Variants in PHACTR3 observed in about 807,000 individuals in gnomAD.
PHACTR3 encodes phosphatase and actin regulator 3.
In PHACTR3, 16 loss-of-function variants were observed where a neutral mutation model predicts 66.8. The ratio of observed to expected loss-of-function variants is 0.24; its 90% CI spans 0.16 to 0.36. The LOEUF (loss-of-function observed/expected upper bound fraction) is 0.36, where lower values mean the gene tolerates loss of function less well. PHACTR3 is among the 10% of genes least tolerant of loss of function. The pLI, the probability that PHACTR3 is intolerant of heterozygous loss-of-function variation, is 1.00. For missense variants in PHACTR3, 647 were observed against 719.9 expected (o/e 0.90, Z 1.16); for synonymous variants, 323 against 292.1 (o/e 1.11, Z -1.08).
chr20:59,840,242 A>G, intron 9 of PHACTR3, 127 bp from the exon 10 acceptor site: 1 of 1,400,416 alleles, frequency 7.1e-7, no homozygotes, highest in Non-Finnish European at 9.5e-7. Context: ...AAACACCATG[A>G]GTGATGTGGA....
chr20:59,844,523 T>A (rs1185463703), intron 11 of PHACTR3: 1 of 152,018 alleles, frequency 6.6e-6, no homozygotes, highest in East Asian at 1.9e-4. Context: ...CTTAAGAAAA[T>A]CCAGTCATTT....
intron 8 of PHACTR3, among the ~76,000 whole-genome samples, chr20:59,822,481 A>G (rs113328536): frequency 0.015 from 2,313 of 151,052 alleles, 49 homozygotes; most frequent in Non-Finnish European, 0.019. Flanking sequence ...ATATGTGGCT[A>G]TGGCTAGACA....
intron 1 of PHACTR3, among the ~76,000 whole-genome samples, chr20:59,581,260 G>A (rs1297445180): frequency 6.6e-6 from 1 of 152,196 alleles, no homozygotes; most frequent in Non-Finnish European, 1.5e-5. Flanking sequence ...GTGCTTGGAG[G>A]CAAAAGGCAG....
chr20:59,823,780 C>G (rs2042113265), intron 8 of PHACTR3, among the ~76,000 whole-genome samples: 1 of 152,216 alleles, frequency 6.6e-6, no homozygotes, highest in South Asian at 2.1e-4. Flanking sequence ...AGCAACTTGC[C>G]TCTACTGACT....
intron 7 of PHACTR3, among the ~76,000 whole-genome samples, chr20:59,801,279 A>G (rs1600680346): frequency 6.6e-6 from 1 of 152,134 alleles, no homozygotes; most frequent in Non-Finnish European, 1.5e-5. Flanking sequence ...CTGGCCAGTC[A>G]TGGGCCTACT....
chr20:59,588,986 A>G (rs2033115789), intron 1 of PHACTR3, among the ~76,000 whole-genome samples: 1 of 152,216 alleles, frequency 6.6e-6, no homozygotes, highest in African/African-American at 2.4e-5. Context: ...CTTCACTTCC[A>G]GCTGCTGATG....
At chr20:59,771,403 C>A (rs2040355796) in intron 5 of PHACTR3, among the ~76,000 whole-genome samples, 1 of 152,132 alleles carries the variant, frequency 6.6e-6, no homozygotes, top group Non-Finnish European at 1.5e-5. Flanking sequence ...GGATGGGTCT[C>A]CCTGCAGCCC....
chr20:59,814,001 G>A (rs372866241), intron 8 of PHACTR3, among the ~76,000 whole-genome samples: 128 of 152,360 alleles, frequency 8.4e-4, no homozygotes, highest in African/African-American at 3.0e-3. Flanking sequence ...TCTTCAGGGT[G>A]TGCCCACTGG....
chr20:59,642,575 A>G (rs1417842392), intron 1 of PHACTR3, among the ~76,000 whole-genome samples: 1 of 152,130 alleles, frequency 6.6e-6, no homozygotes, highest in Admixed American at 6.5e-5. Context: ...GACACTTGGG[A>G]CCAAATGCTC....
chr20:59,584,833 G>A (rs2146303647), intron 1 of PHACTR3, among the ~76,000 whole-genome samples: 1 of 152,240 alleles, frequency 6.6e-6, no homozygotes, highest in East Asian at 1.9e-4. Flanking sequence ...ATTCCGGGGG[G>A]ATCTTTTCCC....
At chr20:59,786,037 G>A (rs931043110) in intron 7 of PHACTR3, among the ~76,000 whole-genome samples, 2 of 152,224 alleles carry the variant, frequency 1.3e-5, no homozygotes, top group Admixed American at 6.5e-5. Context: ...GGATTCAGAG[G>A]TCAGAATATC....
At chr20:59,633,457 C>T (rs995837507) in intron 1 of PHACTR3, among the ~76,000 whole-genome samples, 1 of 152,074 alleles carries the variant, frequency 6.6e-6, no homozygotes, top group African/African-American at 2.4e-5. Context: ...ACATTGAGAA[C>T]ACATGGTCAC....
chr20:59,800,843 ATTTG>A, intron 7 of PHACTR3, among the ~76,000 whole-genome samples: 2 of 152,296 alleles, frequency 1.3e-5, no homozygotes, highest in Middle Eastern at 6.8e-3. Context: ...TTGCTTTAAC[ATTTG>A]TTAGATAGAA....
chr20:59,808,208 G>C (rs980820170), intron 8 of PHACTR3, among the ~76,000 whole-genome samples: 1 of 152,194 alleles, frequency 6.6e-6, no homozygotes, highest in Admixed American at 6.5e-5. Context: ...AGCCACTGGA[G>C]TTCAGAACCC....
chr20:59,826,754 C>T (rs537690198), intron 8 of PHACTR3, among the ~76,000 whole-genome samples: 3 of 152,170 alleles, frequency 2.0e-5, no homozygotes, highest in African/African-American at 4.8e-5. Context: ...CTGCAGGGTG[C>T]GTCTCTCCCT....
At position 59,777,053 on chromosome 20, in the gene PHACTR3, G is replaced by A. The variant is rs532315228; in HGVS notation, c.1174+2563G>A. Among the ~76,000 whole-genome samples the A allele has an allele frequency of 5.3e-5, 8 of 152,266 alleles. No homozygotes were observed. In the East Asian group the frequency reaches 1.2e-3, roughly 22 times the overall value. On this transcript the variant is annotated intron_variant, in intron 7 of 12. Transcript: ENST00000371015. ...CCAAAATCAAAGTGTGGGTAGGGTCGTGCTCCCTGCGAGTGCTCCAAGGAG... is the reference window on the plus strand; with the variant it reads ...CCAAAATCAAAGTGTGGGTAGGGTCATGCTCCCTGCGAGTGCTCCAAGGAG...
intron 1 of PHACTR3, among the ~76,000 whole-genome samples, chr20:59,665,521 T>C (rs887027689): frequency 1.3e-5 from 2 of 151,988 alleles, no homozygotes; most frequent in East Asian, 1.9e-4. Context: ...ATTTTTTTTT[T>C]CCAGCAGATT....
At chr20:59,687,412 TAAG>T (rs1382732136) in intron 1 of PHACTR3, among the ~76,000 whole-genome samples, 1 of 152,112 alleles carries the variant, frequency 6.6e-6, no homozygotes, top group Non-Finnish European at 1.5e-5. Context: ...ACTGAGTTAA[TAAG>T]AAGAAAGGTA....
At chr20:59,673,575 C>T (rs192628906) in intron 1 of PHACTR3, among the ~76,000 whole-genome samples, 1 of 152,254 alleles carries the variant, frequency 6.6e-6, no homozygotes, top group East Asian at 1.9e-4. Context: ...CTGGCAGCAC[C>T]TGGGGCTCCC....
Sources: allele counts gnomAD v4.1 joint callset (sites outside exome capture counted in the v4.1 genomes callset), GRCh38; gene constraint gnomAD v4.1.1; transcripts MANE v1.5; gene names NCBI Gene and HGNC (gene_info 2026-07-23, HGNC 2026-07-21).